The following OTOF variants were observed in gnomAD, a reference collection of about 807,000 sequenced individuals.
The protein encoded by OTOF is otoferlin, also known as fer-1-like family member 2.
Under a neutral mutation model 236.8 loss-of-function variants are expected in OTOF, and 218 were observed. The ratio of observed to expected loss-of-function variants is 0.92; its 90% CI spans 0.82 to 1.03. The LOEUF is 1.03. Among genes scored for constraint, OTOF ranks in the 50% least tolerant of loss-of-function variants. The pLI is 0.00. For missense variants in OTOF, 2,590 were observed against 2,694.4 expected, an observed-to-expected ratio of 0.96 and a Z score of 0.86; for synonymous variants, 1,041 against 1,072.5, an observed-to-expected ratio of 0.97 and a Z score of 0.57.
intron 1 of OTOF, among the ~76,000 whole-genome samples, chr2:26,547,201 T>A (rs1041783798): frequency 1.0e-3 from 157 of 152,364 alleles, no homozygotes; most frequent in Non-Finnish European, 1.7e-3. Flanking sequence ...TTGAATTTTG[T>A]CAAATGCATT....
intron 39 of OTOF, 102 bp downstream of exon 39, chr2:26,464,767 C>A (rs1032178699): frequency 1.8e-5 from 22 of 1,210,930 alleles, no homozygotes; most frequent in South Asian, 4.7e-5. Flanking sequence ...GCTGAGGACA[C>A]CCCAGGCTAG....
At chr2:26,497,160 T>C (rs113792390) in intron 8 of OTOF, among the ~76,000 whole-genome samples, 3,625 of 140,566 alleles carry the variant, frequency 0.026, 98 homozygotes, top group Non-Finnish European at 0.032. Flanking sequence ...TGGAGTGCAG[T>C]GGCACGATCT....
At chr2:26,472,349 T>C in intron 30 of OTOF, 170 bp downstream of exon 30, 5 of 787,530 alleles carry the variant, frequency 6.3e-6, no homozygotes, top group Non-Finnish European at 9.0e-6. Context: ...TCCAGGATAG[T>C]ATTAGGAGGG....
rs1475635963 is a variant in OTOF, at chr2:26,470,653, T to C, written c.3963A>G (p.Pro1321=). 2.5e-6 allele frequency: 4 copies of C among 1,614,000 alleles called. No individual in the cohort carries two copies. Among genetic ancestry groups the C allele is most frequent in the South Asian group, 2.2e-5 (2 of 91,094 alleles). Residue 1321 remains proline (P), a synonymous_variant, in exon 32 of 47, where the codon CCA becomes CCG. Transcript: ENST00000272371. This position sits in a 1 kb window ranked among gnomAD's most constrained non-coding sequence, Gnocchi z 4.3. ...GTAEEPEEEE[P]DESMLDWWSK... is the part of the protein sequence containing the mutation. ...ACCACCAGTCCAGCATGCTCTCGTC[T>C]GGCTCCTCCTCCTCTGGCTCCTCCG... is the stretch of plus-strand genomic sequence containing the variant.
Position 26,473,327 on chromosome 2 carries a change from A to G in OTOF, c.3571-33T>C. 1 of 1,613,214 alleles carries G rather than the reference A, an allele frequency of 6.2e-7. No individual in the cohort carries two copies. The highest frequency in any genetic ancestry group is 8.5e-7 in the Non-Finnish European group (1 of 1,179,904). On this transcript the variant is annotated intron_variant, in intron 28 of 46. Coordinates refer to ENST00000272371, the MANE Select transcript of OTOF (RefSeq NM_194248.3). This position sits in a 1 kb window ranked among gnomAD's most constrained non-coding sequence, Gnocchi z 7.2. ...GTTGGCGACAGGAGCCTGAGCCTCC[A>G]AGAAGGGGCAGAGGAAGCCGGCTGG...
intron 11 of OTOF, among the ~76,000 whole-genome samples, chr2:26,486,607 GA>G (rs1196545661): frequency 1.3e-5 from 2 of 152,224 alleles, no homozygotes; most frequent in Non-Finnish European, 2.9e-5. Flanking sequence ...AGAGACGTGT[GA>G]AAGTGGGTGA....
rs372160987 is a variant in OTOF at position 26,461,554 on chromosome 2, C to T, written c.5533+142G>A. On this transcript the variant is annotated intron_variant, in intron 43 of 46. Coordinates refer to ENST00000272371, the MANE Select transcript of OTOF (RefSeq NM_194248.3). This position sits in a 1 kb window ranked among gnomAD's most constrained non-coding sequence, Gnocchi z 6.2. ...AGGTGGGTCCTTGGGGGCGGAACCCCGTCGGACACCCCTGGCTCTGATGGA... is the reference window on the plus strand; with the variant it reads ...AGGTGGGTCCTTGGGGGCGGAACCCTGTCGGACACCCCTGGCTCTGATGGA... 46 of 1,172,810 alleles carry T rather than the reference C, an allele frequency of 3.9e-5. No homozygotes were observed. The African/African-American group carries it at 5.3e-4, about 13-fold the overall frequency. The allele number at this position is 1,172,810 out of a possible 1,614,324, so 72.7% of individuals were successfully genotyped here.
intron 3 of OTOF, among the ~76,000 whole-genome samples, chr2:26,525,922 AC>A (rs1256117873): frequency 1.9e-4 from 29 of 152,186 alleles, no homozygotes; most frequent in African/African-American, 7.0e-4. Context: ...CCCCATCTCT[AC>A]TAAAAATACA....
In OTOF at chr2:26,473,981, G is replaced by C; in HGVS notation, c.3408+10C>G. On this transcript the variant is annotated intron_variant, in intron 27 of 46. Coordinates refer to ENST00000272371, the MANE Select transcript of OTOF (RefSeq NM_194248.3). This position sits in a 1 kb window ranked among gnomAD's most constrained non-coding sequence, Gnocchi z 7.2. ...ATCCAAAAGGGAAGGGCCACACAGA[G>C]CCCTCGCACCTCCACTCGGTACTTG... The C allele has an allele frequency of 1.9e-6, 3 of 1,612,820 alleles. No individual in the cohort carries two copies. Among genetic ancestry groups the C allele is most frequent in the Non-Finnish European group, 2.5e-6 (3 of 1,179,866 alleles).
chr2:26,505,660 G>GCTC lies in OTOF; in HGVS notation c.510-1818_510-1816dup, dbSNP rs1361848591. Among the ~76,000 whole-genome samples the GCTC allele has an allele frequency of 5.9e-5, 9 of 152,358 alleles. No individual in the cohort carries two copies. The East Asian group carries it at 1.7e-3, about 29-fold the overall frequency. On this transcript the variant is annotated intron_variant, in intron 5 of 46. Transcript: ENST00000272371. ...GGCAGAACTGGGATTGAAGCAGAAA[G>GCTC]CTCCTGTGTTCTAGGCCAGCAATAT...
chr2:26,482,587 C>T lies in OTOF; in HGVS notation c.1398G>A (p.Lys466=). 1.2e-6 allele frequency: 2 copies of T among 1,612,534 alleles called. No individual in the cohort carries two copies. Among genetic ancestry groups the T allele is most frequent in the Non-Finnish European group, 1.7e-6 (2 of 1,179,350 alleles). The change falls in exon 14 of 47, where the codon AAG becomes AAA. Residue 466 remains lysine, a synonymous_variant. Transcript: ENST00000272371. ...CATAGCTGCTCTTCTGCACTGAAGT[C>T]TTGCCCTGGTGGAAGGGGGAGCACA... is the stretch of plus-strand genomic sequence containing the variant. ...VQVFFAGQKG[K]TSVQKSSYEP...
chr2:26,555,127 G>A (rs1667555268), intron 1 of OTOF, among the ~76,000 whole-genome samples: 1 of 152,210 alleles, frequency 6.6e-6, no homozygotes, highest in Admixed American at 6.5e-5. Context: ...ACTATCTCAG[G>A]AGTTGATAAA....
rs2148041365 is a variant in OTOF at position 26,473,147 on chromosome 2, T to A, written c.3718A>T (p.Ser1240Cys). The A allele has an allele frequency of 6.2e-7, 1 of 1,612,358 alleles. No homozygotes were observed. Among genetic ancestry groups the A allele is most frequent in the Non-Finnish European group, 8.5e-7 (1 of 1,179,812 alleles). ...IYRPPDRSAP[S>C]WNTTVRLLRR... ...GTGGCCATACCCGTGGTGTTCCAGC[T>A]GGGGGCCGAGCGGTCTGGGGGCCGG... The change falls in exon 29 of 47, where the codon AGC becomes TGC. Residue 1240 changes from serine (S) to cysteine (C), a missense_variant. Physicochemically the swap from Ser to Cys is moderately radical, Grantham distance 112 (BLOSUM62 -1). Transcript: ENST00000272371. This position sits in a 1 kb window ranked among gnomAD's most constrained non-coding sequence, Gnocchi z 7.2.
intron 1 of OTOF, among the ~76,000 whole-genome samples, chr2:26,556,350 C>T (rs959559804): frequency 1.5e-4 from 23 of 152,090 alleles, no homozygotes; most frequent in Admixed American, 1.2e-3. Context: ...TCTTTTGGGG[C>T]GCCTACAACT....
chr2:26,475,480 G>GTCTC lies in OTOF; in HGVS notation c.3001_3004dup (p.Thr1002ArgfsTer21). 1 of 1,612,802 alleles carries GTCTC rather than the reference G, an allele frequency of 6.2e-7. No individual in the cohort carries two copies. Among genetic ancestry groups the GTCTC allele is most frequent in the South Asian group, 1.1e-5 (1 of 91,072 alleles). The stretch of plus-strand genomic sequence containing the variant: ...CATCTGGTCCCAGGTGGGACACAGG[G>GTCTC]TCTCATTCAGCACCTGCAGCATGGG... On this transcript the variant is annotated frameshift_variant, in exon 25 of 47. Transcript: ENST00000272371. LOFTEE classifies it high-confidence loss of function.
At chr2:26,505,412 TACACACAC>T (rs10550936) in intron 5 of OTOF, among the ~76,000 whole-genome samples, 3 of 150,188 alleles carry the variant, frequency 2.0e-5, no homozygotes, top group East Asian at 1.9e-4. Flanking sequence ...GGAGGTGAGT[TACACACAC>T]ACACACACAC....
chr2:26,495,609 A>C (rs1046434897), intron 8 of OTOF, among the ~76,000 whole-genome samples: 1 of 151,900 alleles, frequency 6.6e-6, no homozygotes, highest in East Asian at 1.9e-4. Flanking sequence ...TCTTTTTTAT[A>C]CAGATGGGGT....
rs535119469 is a variant in OTOF at position 26,506,727 on chromosome 2, C to T, written c.510-2882G>A. 7.9e-5 allele frequency among the ~76,000 whole-genome samples: 12 copies of T among 152,310 alleles called. No homozygotes were observed. The East Asian group carries it at 1.5e-3, about 20-fold the overall frequency. Reference sequence around the variant, plus strand: ...AAACTATACTTGTCCTGGTCCGGTGCGGTGACTCACACCTGTAATCCCAGC... The same window carrying T: ...AAACTATACTTGTCCTGGTCCGGTGTGGTGACTCACACCTGTAATCCCAGC... On this transcript the variant is annotated intron_variant, in intron 5 of 46. Transcript: ENST00000272371.
chr2:26,505,985 AAC>A (rs2148083618), intron 5 of OTOF, among the ~76,000 whole-genome samples: 1 of 152,356 alleles, frequency 6.6e-6, no homozygotes, highest in East Asian at 1.9e-4. Context: ...CATAACATTG[AAC>A]AGATCAATGA....
Sources: allele counts gnomAD v4.1 joint callset (sites outside exome capture counted in the v4.1 genomes callset), GRCh38; gene constraint gnomAD v4.1.1; non-coding constraint Gnocchi (gnomAD v3.1); transcripts MANE v1.5; gene names NCBI Gene and HGNC (gene_info 2026-07-23, HGNC 2026-07-21).